Variants in NHSL1 observed in about 807,000 individuals in gnomAD.
NHSL1 encodes the protein NHS-like protein 1.
A neutral mutation model predicts 95.0 loss-of-function variants in NHSL1; 48 were observed. The ratio of observed to expected loss-of-function variants is 0.51; its 90% CI spans 0.40 to 0.64. The LOEUF (loss-of-function observed/expected upper bound fraction) is 0.64. Ranked by LOEUF, NHSL1 falls within the 30% of genes least tolerant of loss-of-function variation. The pLI, the probability that NHSL1 is intolerant of heterozygous loss-of-function variation, is 0.00. For missense variants in NHSL1, 1,971 were observed against 2,077.7 expected, an observed-to-expected ratio of 0.95 and a Z score of 1.00; for synonymous variants, 783 against 833.9, an observed-to-expected ratio of 0.94 and a Z score of 1.05.
intron 1 of NHSL1, among the ~76,000 whole-genome samples, chr6:138,526,164 A>T (rs934430852): frequency 6.6e-6 from 1 of 151,412 alleles, no homozygotes; most frequent in Non-Finnish European, 1.5e-5. Flanking sequence ...CATGCCCTTG[A>T]GTTCCCAGAT....
At chr6:138,579,478 T>C (rs756180350) in intron 1 of NHSL1, among the ~76,000 whole-genome samples, 1 of 152,224 alleles carries the variant, frequency 6.6e-6, no homozygotes, top group Non-Finnish European at 1.5e-5. Flanking sequence ...AAAACCCCAT[T>C]CATATGGCCA....
intron 1 of NHSL1, among the ~76,000 whole-genome samples, chr6:138,651,986 A>G (rs980593681): frequency 5.3e-5 from 8 of 152,332 alleles, no homozygotes; most frequent in Non-Finnish European, 1.2e-4. Context: ...AACAATATAG[A>G]CCATGAAACT....
chr6:138,648,352 GAAA>G (rs58429767), intron 1 of NHSL1, among the ~76,000 whole-genome samples: 1 of 134,022 alleles, frequency 7.5e-6, no homozygotes. Flanking sequence ...TACGGACACT[GAAA>G]AAAAAAAAAA....
At chr6:138,474,872 G>GGC (rs1364177472) in intron 2 of NHSL1, among the ~76,000 whole-genome samples, 1 of 152,110 alleles carries the variant, frequency 6.6e-6, no homozygotes, top group Non-Finnish European at 1.5e-5. Flanking sequence ...TCTCAGGCTG[G>GGC]GCGCGGTGGC....
At chr6:138,684,792 A>G (rs1785563292) in intron 1 of NHSL1, among the ~76,000 whole-genome samples, 1 of 152,218 alleles carries the variant, frequency 6.6e-6, no homozygotes, top group Non-Finnish European at 1.5e-5. Context: ...GCAGACCACA[A>G]ATGAAACCGG....
chr6:138,686,993 T>C (rs934226874), intron 1 of NHSL1, among the ~76,000 whole-genome samples: 5 of 152,122 alleles, frequency 3.3e-5, no homozygotes, highest in East Asian at 1.9e-4. Context: ...TCTTAATAAA[T>C]TGAGGGACTG....
At chr6:138,576,133 A>G (rs1222707900), upstream of NHSL1, among the ~76,000 whole-genome samples, 6 of 152,114 alleles carry the variant, frequency 3.9e-5, no homozygotes, top group Non-Finnish European at 8.8e-5. Flanking sequence ...CTGGAACTAC[A>G]GGCGCGCATC....
chr6:138,684,267 T>C (rs544288855), intron 1 of NHSL1, among the ~76,000 whole-genome samples: 1 of 151,802 alleles, frequency 6.6e-6, no homozygotes, highest in Non-Finnish European at 1.5e-5. Flanking sequence ...AGCAGAATTA[T>C]GCTACTGCCT....
rs77808964 is a variant in NHSL1, at chr6:138,514,998, G to A, written c.17-18627C>T. Among the ~76,000 whole-genome samples the A allele has an allele frequency of 2.6e-5, 4 of 151,700 alleles. No homozygotes were observed. In the East Asian group the frequency reaches 7.7e-4, roughly 29 times the overall value. ...GAGGACGTAAGATTAAAAAAAAAAA[G>A]TGTCTACATGATGAGATACCACGAC... On this transcript the variant is annotated intron_variant, in intron 1 of 4. Coordinates refer to the NHSL1 transcript ENST00000342260.
At chr6:138,547,817 G>T (rs543575025), upstream of NHSL1, among the ~76,000 whole-genome samples, 1 of 152,142 alleles carries the variant, frequency 6.6e-6, no homozygotes, top group Non-Finnish European at 1.5e-5. Flanking sequence ...ATCTCACCAC[G>T]GGACTCTCTC....
chr6:138,688,454 G>T (rs942357727), intron 1 of NHSL1, among the ~76,000 whole-genome samples: 3 of 151,928 alleles, frequency 2.0e-5, no homozygotes, highest in African/African-American at 7.2e-5. Flanking sequence ...GACCAGCCTG[G>T]TCAAGATGGT....
intron 1 of NHSL1, among the ~76,000 whole-genome samples, chr6:138,629,187 G>A (rs764125452): frequency 3.9e-5 from 6 of 152,250 alleles, no homozygotes; most frequent in East Asian, 1.9e-4. Context: ...GTTATCCTCC[G>A]AGAGGGAGAC....
rs549853310 is a variant in NHSL1 at position 138,449,756 on chromosome 6, T to G, written c.340-2563A>C. 3.9e-5 allele frequency among the ~76,000 whole-genome samples: 6 copies of G among 152,106 alleles called. No homozygotes were observed. In the South Asian group the frequency reaches 8.3e-4, roughly 21 times the overall value. On this transcript the variant is annotated intron_variant, in intron 3 of 7. Transcript: ENST00000343505. ...AGAAAAGCAAAGTCATGAATTGACA[T>G]GTACTCACTTTTTTTTCTTTTACAA...
chr6:138,549,340 G>A (rs1261405555), upstream of NHSL1, among the ~76,000 whole-genome samples: 3 of 152,122 alleles, frequency 2.0e-5, no homozygotes, highest in African/African-American at 7.2e-5. Flanking sequence ...CCAAGATTGC[G>A]CCATTGAACT....
chr6:138,560,712 T>C (rs1260045674), intron 1 of NHSL1, among the ~76,000 whole-genome samples: 1 of 152,142 alleles, frequency 6.6e-6, no homozygotes, highest in African/African-American at 2.4e-5. Flanking sequence ...ACAAATTGCC[T>C]TGTGTCTGCT....
At chr6:138,491,829 C>T (rs117695527) in intron 2 of NHSL1, among the ~76,000 whole-genome samples, 3 of 152,230 alleles carry the variant, frequency 2.0e-5, no homozygotes, top group Non-Finnish European at 4.4e-5. Flanking sequence ...ATTATAACTA[C>T]TGAGTGAGAA....
At chr6:138,477,185 T>C (rs147113776) in intron 2 of NHSL1, among the ~76,000 whole-genome samples, 3 of 152,328 alleles carry the variant, frequency 2.0e-5, no homozygotes, top group Non-Finnish European at 4.4e-5. Context: ...TACTTATCTA[T>C]GTAATTCAGG....
At chr6:138,551,982 C>G (rs1238003142) in intron 1 of NHSL1, among the ~76,000 whole-genome samples, 1 of 152,208 alleles carries the variant, frequency 6.6e-6, no homozygotes, top group Non-Finnish European at 1.5e-5. Flanking sequence ...GTGCTGGACT[C>G]AAACTAACCA....
intron 3 of NHSL1, among the ~76,000 whole-genome samples, chr6:138,462,040 G>T (rs1419406212): frequency 6.6e-6 from 1 of 152,180 alleles, no homozygotes; most frequent in African/African-American, 2.4e-5. Flanking sequence ...TTAAGGAGGA[G>T]ATGTAAGAAG....
Sources: allele counts gnomAD v4.1 joint callset (sites outside exome capture counted in the v4.1 genomes callset), GRCh38; gene constraint gnomAD v4.1.1; transcripts MANE v1.5; gene names NCBI Gene and HGNC (gene_info 2026-07-23, HGNC 2026-07-21).